The following FAM184A variants were observed in gnomAD, a reference collection of about 807,000 sequenced individuals.
FAM184A encodes protein FAM184A.
In FAM184A, 99 loss-of-function variants were observed where a neutral mutation model predicts 143.8. The ratio of observed to expected loss-of-function variants is 0.69; its 90% CI spans 0.58 to 0.81. FAM184A has a LOEUF of 0.81. FAM184A is among the 40% of genes least tolerant of loss of function. The pLI is 0.00. For synonymous variants in FAM184A, 427 were observed against 446.4 expected, an observed-to-expected ratio of 0.96 and a Z score of 0.55; for missense variants, 1,217 against 1,310.5, an observed-to-expected ratio of 0.93 and a Z score of 1.10.
In FAM184A at chr6:119,008,531, T is replaced by C. The variant is rs117534190; in HGVS notation, c.1654-1923A>G. Reference sequence around the variant, plus strand: ...GTCACAATTTCAGTTCTGAATCTAGTCTTGCCTGATGCTAACATTATCCTT... The same window carrying C: ...GTCACAATTTCAGTTCTGAATCTAGCCTTGCCTGATGCTAACATTATCCTT... On this transcript the variant is annotated intron_variant, in intron 6 of 17. Coordinates refer to ENST00000338891, the MANE Select transcript of FAM184A (RefSeq NM_024581.6). Among the ~76,000 whole-genome samples the C allele has an allele frequency of 2.5e-4, 38 of 152,352 alleles. 1 individual carries two copies. The highest frequency in any genetic ancestry group is 1.2e-4 in the Non-Finnish European group (8 of 68,036).
intron 6 of FAM184A, among the ~76,000 whole-genome samples, chr6:119,008,471 C>G (rs995133439): frequency 1.3e-5 from 2 of 151,974 alleles, no homozygotes; most frequent in African/African-American, 4.8e-5. Flanking sequence ...AAGAACAAAC[C>G]CAATTTAAGA....
At chr6:119,011,601 T>G (rs925695659) in intron 5 of FAM184A, among the ~76,000 whole-genome samples, 170 bp from the exon 6 acceptor site, 12 of 152,186 alleles carry the variant, frequency 7.9e-5, no homozygotes, top group South Asian at 2.1e-4. Flanking sequence ...GTGGCTTAGA[T>G]TCTATCATTC....
At chr6:119,112,703 C>A (rs541106103) in intron 1 of FAM184A, among the ~76,000 whole-genome samples, 1 of 152,268 alleles carries the variant, frequency 6.6e-6, no homozygotes, top group African/African-American at 2.4e-5. Context: ...GAATTTTATT[C>A]TTTTGGAAAA....
At chr6:119,003,731 C>T (rs1405642420) in intron 7 of FAM184A, 109 bp from the exon 8 acceptor site, 4 of 1,067,436 alleles carry the variant, frequency 3.7e-6, no homozygotes, top group Non-Finnish European at 5.0e-6. Flanking sequence ...TAAATTCTTA[C>T]AGCCCAATAC....
rs558889911 is a variant in FAM184A at position 119,109,095 on chromosome 6, T to A, written c.-202+39983A>T. On this transcript the variant is annotated intron_variant, in intron 1 of 16. Coordinates refer to the FAM184A transcript ENST00000352896. Reference sequence around the variant, plus strand: ...ATTATCCCTATTCCTATCTCCTCCATGAAACCCTTTCCCAACTATTCTTGG... The same window carrying A: ...ATTATCCCTATTCCTATCTCCTCCAAGAAACCCTTTCCCAACTATTCTTGG... Among the ~76,000 whole-genome samples the A allele has an allele frequency of 5.7e-5, 8 of 141,210 alleles. No homozygotes were observed. In the South Asian group the frequency reaches 1.8e-3, roughly 32 times the overall value. 92.6% of individuals were successfully genotyped at this position (141,210 alleles called of 152,430 possible).
At chr6:119,006,333 A>G in intron 7 of FAM184A, 114 bp downstream of exon 7, 1 of 1,010,500 alleles carries the variant, frequency 9.9e-7, no homozygotes, top group Non-Finnish European at 1.5e-6. Flanking sequence ...TGGTAGTTCT[A>G]AGAACTAATA....
chr6:118,978,203 T>C (rs1388234407), intron 11 of FAM184A, among the ~76,000 whole-genome samples: 2 of 152,168 alleles, frequency 1.3e-5, no homozygotes, highest in Non-Finnish European at 1.5e-5. Flanking sequence ...CCTCAGGTGA[T>C]CCACCTGCCT....
At position 118,975,052 on chromosome 6, in the gene FAM184A, T is replaced by G. The variant is rs1159909608; in HGVS notation, c.2740A>C (p.Ile914Leu). ...LEFKGKEILR[I>L]RSESNQQIRL... ...ATCTGTTGGTTAGATTCACTTCGTA[T>G]TCTGAGAATTTCTTTCCCCTTAAAT... Residue 914 changes from isoleucine (I) to leucine (L), a missense_variant, in exon 13 of 18, where the codon ATA (isoleucine) becomes CTA (leucine). Ile to Leu is a conservative substitution (Grantham distance 5). Transcript: ENST00000338891. The G allele has an allele frequency of 1.2e-6, 2 of 1,613,240 alleles. No homozygotes were observed. The highest frequency in any genetic ancestry group is 1.1e-5 in the South Asian group (1 of 90,958).
intron 1 of FAM184A, among the ~76,000 whole-genome samples, chr6:119,100,625 CT>C (rs1173035092): frequency 1.4e-5 from 2 of 146,316 alleles, no homozygotes; most frequent in African/African-American, 5.6e-5. Context: ...GTTTTTACCT[CT>C]CTGTACTGAC....
In FAM184A at chr6:119,016,910, T is replaced by C. The variant is rs1416739807; in HGVS notation, c.1367A>G (p.Tyr456Cys). 1.2e-6 allele frequency: 2 copies of C among 1,613,422 alleles called. No individual in the cohort carries two copies. Among genetic ancestry groups the C allele is most frequent in the East Asian group, 2.2e-5 (1 of 44,872 alleles). Residue 456 changes from tyrosine to cysteine, a missense_variant, in exon 5 of 18, where the codon TAT (tyrosine) becomes TGT (cysteine). Coordinates refer to ENST00000338891, the MANE Select transcript of FAM184A (RefSeq NM_024581.6). ...VNEAKRTQQE[Y>C]YERELKNLQS... ...CAGGTTTTTAAGTTCCCTTTCATAATATTCTTGCTGAGTTCTCTTTGCTTC... is the reference window on the plus strand; with the variant it reads ...CAGGTTTTTAAGTTCCCTTTCATAACATTCTTGCTGAGTTCTCTTTGCTTC...
chr6:119,132,397 G>A (rs1317669901), intron 1 of FAM184A, among the ~76,000 whole-genome samples: 2 of 152,158 alleles, frequency 1.3e-5, no homozygotes, highest in African/African-American at 4.8e-5. Context: ...AGCTGGCTTG[G>A]CTAGAGGACA....
intron 1 of FAM184A, among the ~76,000 whole-genome samples, chr6:119,106,263 G>A (rs1788778803): frequency 2.0e-5 from 3 of 151,742 alleles, no homozygotes; most frequent in Middle Eastern, 3.4e-3. Context: ...GTGGTGGTGC[G>A]CGCCTGTAGC....
intron 16 of FAM184A, chr6:118,963,989 G>C (rs950176599): frequency 6.6e-6 from 1 of 152,028 alleles, no homozygotes; most frequent in African/African-American, 2.4e-5. Flanking sequence ...TGTCCCAAGA[G>C]AGTAACAAAT....
intron 1 of FAM184A, among the ~76,000 whole-genome samples, chr6:119,029,973 C>T (rs1325583367): frequency 6.6e-6 from 1 of 151,990 alleles, no homozygotes; most frequent in Admixed American, 6.6e-5. Context: ...ATCTTATCAG[C>T]CAAAATTGGC....
At chr6:118,971,849 T>A (rs1305332868) in intron 14 of FAM184A, among the ~76,000 whole-genome samples, 1 of 107,046 alleles carries the variant, frequency 9.3e-6, no homozygotes, top group African/African-American at 3.2e-5. Flanking sequence ...CAACAGGATT[T>A]GGGGCAGGAG....
intron 1 of FAM184A, among the ~76,000 whole-genome samples, chr6:119,060,984 A>G (rs1268036813): frequency 1.3e-5 from 2 of 152,242 alleles, no homozygotes; most frequent in East Asian, 1.9e-4. Flanking sequence ...GCAAGAATGG[A>G]CTAATACATC....
intron 1 of FAM184A, among the ~76,000 whole-genome samples, chr6:119,089,791 C>T (rs1292190681): frequency 6.6e-6 from 1 of 152,070 alleles, no homozygotes; most frequent in Non-Finnish European, 1.5e-5. Context: ...TGGTAAACAT[C>T]GTTATAAAAG....
At chr6:118,998,665 G>C (rs1784647502) in intron 9 of FAM184A, among the ~76,000 whole-genome samples, 1 of 151,940 alleles carries the variant, frequency 6.6e-6, no homozygotes, top group Admixed American at 6.6e-5. Context: ...CTAGAAAGTG[G>C]GTTCCATGTG....
chr6:119,068,345 G>A (rs1787544428), intron 1 of FAM184A, among the ~76,000 whole-genome samples: 1 of 152,014 alleles, frequency 6.6e-6, no homozygotes, highest in African/African-American at 2.4e-5. Context: ...CACTGCGCCT[G>A]GCCTAAAAAC....
Sources: gnomAD v4.1 joint callset for allele counts (sites outside exome capture counted in the v4.1 genomes callset) on GRCh38, gnomAD v4.1.1 for gene constraint, MANE v1.5 for transcripts, NCBI Gene and HGNC (gene_info 2026-07-23, HGNC 2026-07-21) for gene names.